Variants in IL1RAPL1 observed in about 807,000 individuals in gnomAD.
IL1RAPL1 encodes interleukin 1 receptor accessory protein like 1.
A neutral mutation model predicts 48.4 loss-of-function variants in IL1RAPL1; 3 were observed. The ratio of observed to expected loss-of-function variants is 0.06; its 90% confidence interval spans 0.03 to 0.16. The LOEUF (loss-of-function observed/expected upper bound fraction) is 0.16, where lower values mean the gene tolerates loss of function less well. IL1RAPL1 is among the 10% of genes least tolerant of loss of function. IL1RAPL1 has a pLI of 1.00. For synonymous variants in IL1RAPL1, 185 were observed against 187.7 expected (o/e 0.99, Z 0.12); for missense variants, 349 against 530.6 (o/e 0.66, Z 3.36).
At chrX:28,965,651 C>T (rs1161684181) in intron 2 of IL1RAPL1, among the ~76,000 whole-genome samples, 3 of 111,299 alleles carry the variant, frequency 2.7e-5, no homozygotes, top group African/African-American at 9.8e-5. Flanking sequence ...TTGATTTCAG[C>T]GTAGCTTTCA....
intron 1 of IL1RAPL1, among the ~76,000 whole-genome samples, chrX:28,692,167 AC>A (rs989742188): frequency 5.4e-5 from 6 of 111,240 alleles, no homozygotes; most frequent in Non-Finnish European, 9.4e-5. Flanking sequence ...GCTAGAACTT[AC>A]CACCATGAGA....
intron 5 of IL1RAPL1, among the ~76,000 whole-genome samples, chrX:29,457,050 C>A (rs908153814): frequency 9.1e-6 from 1 of 109,621 alleles, no homozygotes; most frequent in African/African-American, 3.3e-5. Context: ...GGAAAGATCA[C>A]TTGAGCCCAG....
At chrX:28,943,324 T>C (rs2147350120) in intron 2 of IL1RAPL1, among the ~76,000 whole-genome samples, 1 of 109,707 alleles carries the variant, frequency 9.1e-6, no homozygotes, top group East Asian at 2.9e-4. Context: ...GTTAAAGAAA[T>C]AGCAAGAGTG....
At chrX:28,628,086 C>T (rs751807177) in intron 1 of IL1RAPL1, among the ~76,000 whole-genome samples, 12 of 111,345 alleles carry the variant, frequency 1.1e-4, no homozygotes, top group African/African-American at 2.9e-4. Context: ...AGAGGGGCTG[C>T]GGGCTGGCTC....
intron 2 of IL1RAPL1, among the ~76,000 whole-genome samples, chrX:29,098,526 G>C (rs182328473): frequency 7.2e-5 from 8 of 111,294 alleles, no homozygotes; most frequent in African/African-American, 2.6e-4. Context: ...TTTCATATTA[G>C]AGCTTGGATA....
intron 2 of IL1RAPL1, among the ~76,000 whole-genome samples, chrX:28,974,291 G>A (rs936576612): frequency 8.9e-6 from 1 of 111,962 alleles, no homozygotes. Flanking sequence ...AATTAAATGA[G>A]ATAATTAAAA....
intron 6 of IL1RAPL1, among the ~76,000 whole-genome samples, chrX:29,718,949 T>A (rs1927558410): frequency 8.9e-6 from 1 of 112,221 alleles, no homozygotes; most frequent in South Asian, 3.7e-4. Flanking sequence ...ACAAGAGTCT[T>A]TAAAAGATAA....
intron 1 of IL1RAPL1, among the ~76,000 whole-genome samples, chrX:28,641,331 T>C (rs1934538120): frequency 9.1e-6 from 1 of 110,466 alleles, no homozygotes; most frequent in African/African-American, 3.3e-5. Flanking sequence ...TTTCTGTTCC[T>C]GTGTTAGTTT....
At chrX:29,092,747 A>G (rs1190699545) in intron 2 of IL1RAPL1, among the ~76,000 whole-genome samples, 1 of 112,336 alleles carries the variant, frequency 8.9e-6, no homozygotes, top group African/African-American at 3.2e-5. Flanking sequence ...AATTTAAGTT[A>G]AGGAAAGGTT....
chrX:29,649,334 A>G (rs985421832), intron 5 of IL1RAPL1, among the ~76,000 whole-genome samples: 2 of 111,887 alleles, frequency 1.8e-5, no homozygotes, highest in African/African-American at 6.5e-5. Flanking sequence ...ATGTTTACAC[A>G]TGCAAAAATT....
At chrX:29,769,515 C>T (rs1477662000) in intron 6 of IL1RAPL1, among the ~76,000 whole-genome samples, 13 of 86,473 alleles carry the variant, frequency 1.5e-4, no homozygotes, top group African/African-American at 5.4e-4. Flanking sequence ...GCAATCTCGA[C>T]TCACTGCAAC....
At chrX:29,587,814 T>C (rs2147807979) in intron 5 of IL1RAPL1, among the ~76,000 whole-genome samples, 1 of 112,392 alleles carries the variant, frequency 8.9e-6, no homozygotes, top group East Asian at 2.8e-4. Flanking sequence ...AGAAACTATC[T>C]CCTGCCTACA....
At chrX:28,741,883 A>C (rs1426991454) in intron 1 of IL1RAPL1, among the ~76,000 whole-genome samples, 1 of 111,953 alleles carries the variant, frequency 8.9e-6, no homozygotes, top group East Asian at 2.8e-4. Context: ...CTTTAGTTAA[A>C]GTTTGATTCT....
chrX:29,699,097 A>T (rs1327242759), intron 6 of IL1RAPL1, among the ~76,000 whole-genome samples: 4 of 112,482 alleles, frequency 3.6e-5, no homozygotes, highest in Non-Finnish European at 7.5e-5. Context: ...TTAACAGGTA[A>T]TGCTCTTGCA....
chrX:28,707,226 G>C (rs762313570), intron 1 of IL1RAPL1, among the ~76,000 whole-genome samples: 20 of 112,237 alleles, frequency 1.8e-4, no homozygotes. Flanking sequence ...CCCACGCAAG[G>C]GGTAAGCCCT....
At chrX:28,836,759 T>G (rs979761984) in intron 2 of IL1RAPL1, among the ~76,000 whole-genome samples, 67 of 110,128 alleles carry the variant, frequency 6.1e-4, no homozygotes, top group African/African-American at 2.0e-3. Context: ...ATCATCATCG[T>G]CATCATCATC....
At chrX:29,260,047 C>T (rs1931825473) in intron 2 of IL1RAPL1, among the ~76,000 whole-genome samples, 1 of 112,133 alleles carries the variant, frequency 8.9e-6, no homozygotes, top group African/African-American at 3.2e-5. Flanking sequence ...CAAGATATAA[C>T]TAGAGACATA....
intron 1 of IL1RAPL1, among the ~76,000 whole-genome samples, chrX:28,604,499 C>T (rs1265367007): frequency 1.8e-5 from 2 of 110,444 alleles, no homozygotes; most frequent in Non-Finnish European, 1.9e-5. Context: ...GAGGCCGAGG[C>T]GGGTGGATCA....
At chrX:29,363,546 C>T (rs1306011202) in intron 3 of IL1RAPL1, among the ~76,000 whole-genome samples, 1 of 111,130 alleles carries the variant, frequency 9.0e-6, no homozygotes, top group Non-Finnish European at 1.9e-5. Flanking sequence ...TGTATTAATC[C>T]GTTCTCACAT....
Sources: allele counts gnomAD v4.1 joint callset (sites outside exome capture counted in the v4.1 genomes callset), GRCh38; gene constraint gnomAD v4.1.1; transcripts MANE v1.5; gene names NCBI Gene and HGNC (gene_info 2026-07-23, HGNC 2026-07-21).